CDC40: variants seen among roughly 807,000 people sequenced by gnomAD.
The protein encoded by CDC40 is pre-mRNA-processing factor 17.
In CDC40, 27 loss-of-function variants were observed where a neutral mutation model predicts 80.6. The ratio of observed to expected loss-of-function variants is 0.33; its 90% CI spans 0.25 to 0.46. The LOEUF is 0.46. Among genes scored for constraint, CDC40 ranks in the 20% least tolerant of loss-of-function variants. The probability of loss-of-function intolerance (pLI) is 1.00; values close to 1 mark genes in which losing one functional copy is unlikely to be tolerated. For synonymous variants in CDC40, 221 were observed against 232.6 expected (o/e 0.95, Z 0.45); for missense variants, 486 against 694.1 (o/e 0.70, Z 3.37).
intron 1 of CDC40, among the ~76,000 whole-genome samples, chr6:110,185,426 TAG>T (rs1312088786): frequency 6.6e-6 from 1 of 151,522 alleles, no homozygotes; most frequent in Non-Finnish European, 1.5e-5. Flanking sequence ...GTATTTTTAG[TAG>T]AGACGGGGTT....
rs375400280 is a variant in CDC40, at chr6:110,201,627, G to A, written c.346G>A (p.Glu116Lys). ...TAGAAATATGCTTTCTGGATATGCC[G>A]AACCAGCTCATATCAATGATTTCAT... is the stretch of plus-strand genomic sequence containing the variant. ...APRNMLSGYAEPAHINDFMFE... is the reference protein window; with the variant it reads ...APRNMLSGYAKPAHINDFMFE... Residue 116 changes from glutamate (E) to lysine (K), a missense_variant, in exon 3 of 15, where the codon GAA becomes AAA. Coordinates refer to ENST00000307731, the MANE Select transcript of CDC40 (RefSeq NM_015891.3). The A allele has an allele frequency of 1.1e-5, 17 of 1,612,778 alleles. No homozygotes were observed. The highest frequency in any genetic ancestry group is 1.4e-5 in the Non-Finnish European group (16 of 1,179,106).
chr6:110,227,180 C>A (rs9481047), intron 13 of CDC40, among the ~76,000 whole-genome samples: 37,231 of 152,036 alleles, frequency 0.24, 5,188 homozygotes, highest in African/African-American at 0.39. Flanking sequence ...TTGTCTTTTA[C>A]GTACAAGATA....
At chr6:110,197,137 G>A (rs1777428861) in intron 2 of CDC40, among the ~76,000 whole-genome samples, 1 of 152,132 alleles carries the variant, frequency 6.6e-6, no homozygotes, top group Non-Finnish European at 1.5e-5. Flanking sequence ...ATCTCTGAGA[G>A]TTATCAACCA....
chr6:110,193,292 T>G (rs1777375638), intron 2 of CDC40, 24 bp downstream of exon 2: 1 of 1,338,144 alleles, frequency 7.5e-7, no homozygotes, highest in South Asian at 1.2e-5. Context: ...CTTAAGGTTC[T>G]GACTTTTGCT....
intron 2 of CDC40, among the ~76,000 whole-genome samples, chr6:110,199,982 C>T (rs951919657): frequency 1.3e-5 from 2 of 152,080 alleles, no homozygotes; most frequent in Admixed American, 6.6e-5. Flanking sequence ...AATTTCATGA[C>T]TGAATGAAGT....
intron 8 of CDC40, among the ~76,000 whole-genome samples, chr6:110,214,410 T>C (rs977429508): frequency 2.0e-5 from 3 of 152,218 alleles, no homozygotes; most frequent in Non-Finnish European, 4.4e-5. Context: ...TATGCTGGTT[T>C]CAAAGAGGAA....
chr6:110,230,068 T>A lies in CDC40; in HGVS notation c.1677T>A (p.His559Gln). The A allele has an allele frequency of 6.2e-7, 1 of 1,612,608 alleles. No homozygotes were observed. The highest frequency in any genetic ancestry group is 8.5e-7 in the Non-Finnish European group (1 of 1,178,720). ...AAGTGTGTATAGGTGCAGTGTGGCA[T>A]CCTCATGAAACTTCTAAGGTCATAA... The part of the protein sequence containing the change: ...HDKVCIGAVW[H>Q]PHETSKVITC... The change falls in exon 15 of 15, where the codon CAT becomes CAA. Residue 559 changes from histidine (H) to glutamine (Q), a missense_variant. His to Gln is a conservative substitution (Grantham distance 24, BLOSUM62 0). Around this residue, in one of 3 missense-constraint regions of CDC40, gnomAD observed 88 missense variants for 138.7 expected, o/e 0.63. Coordinates refer to ENST00000307731, the MANE Select transcript of CDC40 (RefSeq NM_015891.3).
intron 1 of CDC40, among the ~76,000 whole-genome samples, chr6:110,191,994 C>T (rs1777354769): frequency 6.6e-6 from 1 of 152,086 alleles, no homozygotes. Context: ...ACAGACAATA[C>T]AGGAAAACAA....
chr6:110,230,443 G>T lies in CDC40; in HGVS notation c.*312G>T, dbSNP rs1777921357. ...TTGGGGTCAAGAAAGAATCCCTAGT[G>T]GATTTGGGATTCTAGAGGAGGTGTT... On this transcript the variant is annotated 3_prime_UTR_variant, in exon 15 of 15. Transcript: ENST00000307731. The T allele has an allele frequency of 1.4e-5, 3 of 220,626 alleles. No individual in the cohort carries two copies. The highest frequency in any genetic ancestry group is 2.6e-5 in the Non-Finnish European group (3 of 113,918). 13.7% of individuals were successfully genotyped at this position (220,626 alleles called of 1,614,324 possible).
intron 12 of CDC40, among the ~76,000 whole-genome samples, 178 bp downstream of exon 12, chr6:110,220,047 A>G (rs1460837193): frequency 6.6e-6 from 1 of 152,230 alleles, no homozygotes; most frequent in Non-Finnish European, 1.5e-5. Context: ...ATTAAATCCA[A>G]ACATGCTACC....
At chr6:110,220,604 CCGGCTAATTTTT>C (rs1777760619) in intron 12 of CDC40, among the ~76,000 whole-genome samples, 1 of 151,944 alleles carries the variant, frequency 6.6e-6, no homozygotes, top group Non-Finnish European at 1.5e-5. Flanking sequence ...GCCACCACGC[CCGGCTAATTTTT>C]TGTATTTTTT....
At chr6:110,229,012 A>AT in intron 14 of CDC40, 36 bp downstream of exon 14, 2 of 1,514,926 alleles carry the variant, frequency 1.3e-6, no homozygotes, top group Non-Finnish European at 9.0e-7. Flanking sequence ...CTCGTATTCA[A>AT]ATATGATTAT....
intron 8 of CDC40, among the ~76,000 whole-genome samples, chr6:110,213,591 A>G (rs1190893230): frequency 6.6e-6 from 1 of 152,080 alleles, no homozygotes; most frequent in Non-Finnish European, 1.5e-5. Context: ...ATGTAATCCA[A>G]TCATTTTGGC....
intron 8 of CDC40, among the ~76,000 whole-genome samples, chr6:110,213,891 C>G (rs992232236): frequency 1.3e-5 from 2 of 152,232 alleles, no homozygotes; most frequent in South Asian, 4.1e-4. Context: ...CAATGCATCT[C>G]AACCTGAATA....
At chr6:110,211,602 T>C (rs6918148) in intron 6 of CDC40, 35,294 of 152,786 alleles carry the variant, frequency 0.23, 6,221 homozygotes, top group African/African-American at 0.49. Flanking sequence ...GCTGTATATA[T>C]ACTATGTCAT....
Position 110,193,273 on chromosome 6 carries a change from G to A in CDC40, c.276+5G>A. 6.6e-7 allele frequency: 1 copy of A among 1,518,042 alleles called. No homozygotes were observed. The highest frequency in any genetic ancestry group is 9.1e-7 in the Non-Finnish European group (1 of 1,093,374). The allele number at this position is 1,518,042 out of a possible 1,614,324, so 94.0% of individuals were successfully genotyped here. On this transcript the variant is annotated splice_donor_5th_base_variant and intron_variant, in intron 2 of 14. Coordinates refer to ENST00000307731, the MANE Select transcript of CDC40 (RefSeq NM_015891.3). Reference sequence around the variant, plus strand: ...GAGACCATGTTTGCTCCTGAGGTAAGAAAACATACTTAAGGTTCTGACTTT... The same window carrying A: ...GAGACCATGTTTGCTCCTGAGGTAAAAAAACATACTTAAGGTTCTGACTTT...
rs1197228044 is a variant in CDC40, at chr6:110,229,858, T to A, written c.1563-96T>A. 3 of 706,192 alleles carry A rather than the reference T, an allele frequency of 4.2e-6. No homozygotes were observed. The Admixed American group carries it at 8.4e-5, about 20-fold the overall frequency. The allele number at this position is 706,192 out of a possible 1,614,324, so 43.7% of individuals were successfully genotyped here. On this transcript the variant is annotated intron_variant, in intron 14 of 14. Coordinates refer to ENST00000307731, the MANE Select transcript of CDC40 (RefSeq NM_015891.3). ...GTATATTTGCATTGGATTTTTTTTT[T>A]AATGTTAACGTGAAAAGATAACGTC...
intron 8 of CDC40, among the ~76,000 whole-genome samples, chr6:110,213,687 T>G (rs1777665828): frequency 6.6e-6 from 1 of 152,230 alleles, no homozygotes. Flanking sequence ...CCTTATGAAA[T>G]AGAGAGGACA....
chr6:110,197,032 T>C (rs1461362911), intron 2 of CDC40, among the ~76,000 whole-genome samples: 2 of 152,202 alleles, frequency 1.3e-5, no homozygotes, highest in African/African-American at 4.8e-5. Context: ...TAAATTGTCT[T>C]AATTCCTGCA....
Sources: allele counts gnomAD v4.1 joint callset (sites outside exome capture counted in the v4.1 genomes callset), GRCh38; gene constraint gnomAD v4.1.1; regional missense constraint gnomAD v4.1.1; transcripts MANE v1.5; gene names NCBI Gene and HGNC (gene_info 2026-07-23, HGNC 2026-07-21).